Variants in UTRN observed in about 807,000 individuals in gnomAD.
The protein encoded by UTRN is utrophin.
UTRN carries 283 observed loss-of-function variants against 463.9 expected under a neutral mutation model. That is an observed-to-expected ratio of 0.61 (90% confidence interval 0.55 to 0.67). The LOEUF (loss-of-function observed/expected upper bound fraction) is 0.67. Among genes scored for constraint, UTRN ranks in the 30% least tolerant of loss-of-function variants. The pLI, the probability that UTRN is intolerant of heterozygous loss-of-function variation, is 0.00. For synonymous variants in UTRN, 1,442 were observed against 1,431.5 expected, an observed-to-expected ratio of 1.01 and a Z score of -0.17; for missense variants, 3,922 against 4,084.3, an observed-to-expected ratio of 0.96 and a Z score of 1.08.
intron 41 of UTRN, 28 bp downstream of exon 41, chr6:144,523,216 T>C (rs2128596795): frequency 1.4e-6 from 2 of 1,481,046 alleles, no homozygotes; most frequent in East Asian, 2.5e-5. Flanking sequence ...TAATATTTAA[T>C]TTAAAAAAAT....
At chr6:144,645,677 A>G (rs889977053) in intron 51 of UTRN, among the ~76,000 whole-genome samples, 1 of 152,210 alleles carries the variant, frequency 6.6e-6, no homozygotes, top group Non-Finnish European at 1.5e-5. Context: ...GTGATGATCA[A>G]GAAGTCTGTG....
Position 144,482,213 on chromosome 6 carries a change from CA to C in UTRN, c.3516del (p.Glu1173ArgfsTer8). 1 of 1,477,750 alleles carries C rather than the reference CA, an allele frequency of 6.8e-7. No individual in the cohort carries two copies. Among genetic ancestry groups the C allele is most frequent in the South Asian group, 1.5e-5 (1 of 65,638 alleles). 91.5% of individuals were successfully genotyped at this position (1,477,750 alleles called of 1,614,324 possible). Reference protein sequence around the residue: ...LESAVEEMKRAKEDVLQKEVR... With the variant: ...LESAVEEMKRXKEDVLQKEVR... ...ATCCATCCTTTCTTGGAACAGAGGG[CA>C]AAAGAGGATGTGTTGCAGAAGGAGG... On this transcript the variant is annotated frameshift_variant, in exon 27 of 75. Transcript: ENST00000367545. LOFTEE classifies it high-confidence loss of function.
chr6:144,825,190 A>G (rs1256981682), intron 66 of UTRN, among the ~76,000 whole-genome samples: 1 of 152,160 alleles, frequency 6.6e-6, no homozygotes, highest in Non-Finnish European at 1.5e-5. Context: ...CATTTCATAT[A>G]ATATCTAAGT....
chr6:144,778,641 A>G (rs965074507), intron 60 of UTRN, among the ~76,000 whole-genome samples: 5 of 151,820 alleles, frequency 3.3e-5, no homozygotes, highest in Non-Finnish European at 5.9e-5. Flanking sequence ...AAAATAAAAA[A>G]ATAAAGAATG....
chr6:144,641,569 G>A (rs988253702), intron 51 of UTRN, among the ~76,000 whole-genome samples: 3 of 152,128 alleles, frequency 2.0e-5, no homozygotes, highest in Non-Finnish European at 2.9e-5. Flanking sequence ...ACTCTGGAAC[G>A]CCCTTGGCCA....
intron 49 of UTRN, among the ~76,000 whole-genome samples, chr6:144,556,926 C>A (rs980307452): frequency 6.6e-6 from 1 of 152,174 alleles, no homozygotes; most frequent in Non-Finnish European, 1.5e-5. Flanking sequence ...TGATAATAAT[C>A]TTGTAATATT....
intron 53 of UTRN, among the ~76,000 whole-genome samples, chr6:144,705,935 A>G (rs1199506289): frequency 6.6e-6 from 1 of 151,718 alleles, no homozygotes; most frequent in Non-Finnish European, 1.5e-5. Context: ...CTACATTATT[A>G]CAGTTAGGGC....
chr6:144,609,173 A>C (rs1384958270), intron 51 of UTRN, among the ~76,000 whole-genome samples: 1 of 152,232 alleles, frequency 6.6e-6, no homozygotes, highest in Non-Finnish European at 1.5e-5. Flanking sequence ...AGAAAAAGTA[A>C]GGTCTAATCA....
chr6:144,355,262 T>C (rs75977185), intron 2 of UTRN, among the ~76,000 whole-genome samples: 15,160 of 152,126 alleles, frequency 0.1, 2,258 homozygotes, highest in African/African-American at 0.32. Context: ...GGCTGGAGTG[T>C]AGTGGTCCAA....
chr6:144,389,013 G>T (rs895023952), intron 2 of UTRN, among the ~76,000 whole-genome samples: 8 of 152,164 alleles, frequency 5.3e-5, no homozygotes, highest in African/African-American at 1.7e-4. Flanking sequence ...GATTGAGAGT[G>T]TGTGCCTGTG....
At chr6:144,335,567 A>T (rs1406607206) in intron 2 of UTRN, among the ~76,000 whole-genome samples, 1 of 152,030 alleles carries the variant, frequency 6.6e-6, no homozygotes, top group African/African-American at 2.4e-5. Context: ...CATCTATAGC[A>T]CTTGCCTTGC....
At position 144,711,335 on chromosome 6, in the gene UTRN, A is replaced by AC. The variant is rs570406117; in HGVS notation, c.7809+11092_7809+11093insC. On this transcript the variant is annotated intron_variant, in intron 53 of 74. Transcript: ENST00000367545. ...CGTCTCAAAACAAACAAACAAACAA[A>AC]AAAAAAAAAGCAGCTTACTAATAAA... Among the ~76,000 whole-genome samples, 801 of 150,916 alleles carry AC rather than the reference A, an allele frequency of 5.3e-3. 5 individuals carry two copies. Among genetic ancestry groups the AC allele is most frequent in the South Asian group, 0.022 (106 of 4,782 alleles).
intron 51 of UTRN, among the ~76,000 whole-genome samples, chr6:144,628,379 A>T (rs570888941): frequency 1.4e-4 from 22 of 151,914 alleles, no homozygotes; most frequent in African/African-American, 5.1e-4. Context: ...TTATTATTGT[A>T]CTCCTGAGAG....
chr6:144,673,195 T>A (rs1451598927), intron 51 of UTRN, among the ~76,000 whole-genome samples: 1 of 152,162 alleles, frequency 6.6e-6, no homozygotes, highest in Non-Finnish European at 1.5e-5. Context: ...AGCCCATTTG[T>A]TCTAGGGTAT....
At chr6:144,400,509 G>C (rs1782847497) in intron 2 of UTRN, among the ~76,000 whole-genome samples, 1 of 152,162 alleles carries the variant, frequency 6.6e-6, no homozygotes, top group Non-Finnish European at 1.5e-5. Context: ...AGGTTAGTAA[G>C]TGTGTGAAAT....
chr6:144,409,079 A>G (rs1783660792), intron 3 of UTRN, among the ~76,000 whole-genome samples: 1 of 152,240 alleles, frequency 6.6e-6, no homozygotes, highest in Admixed American at 6.5e-5. Flanking sequence ...GTGTCTATTC[A>G]CTAATACCTC....
chr6:144,801,359 T>A (rs1392916493), intron 64 of UTRN, among the ~76,000 whole-genome samples: 1 of 151,838 alleles, frequency 6.6e-6, no homozygotes, highest in East Asian at 1.9e-4. Flanking sequence ...TAAAATGGGG[T>A]CCAGTTGGAA....
At chr6:144,407,427 C>T (rs1156486226) in intron 3 of UTRN, among the ~76,000 whole-genome samples, 2 of 152,160 alleles carry the variant, frequency 1.3e-5, no homozygotes, top group African/African-American at 2.4e-5. Context: ...TACAATGCAT[C>T]AGGACTTTTG....
At chr6:144,417,415 G>A (rs541445924) in intron 3 of UTRN, among the ~76,000 whole-genome samples, 12 of 152,166 alleles carry the variant, frequency 7.9e-5, no homozygotes, top group East Asian at 7.7e-4. Flanking sequence ...CAGTTTCTTC[G>A]CCTGTAGAAT....
Sources: allele counts gnomAD v4.1 joint callset (sites outside exome capture counted in the v4.1 genomes callset), GRCh38; gene constraint gnomAD v4.1.1; transcripts MANE v1.5; gene names NCBI Gene and HGNC (gene_info 2026-07-23, HGNC 2026-07-21).